TEX26: variants seen among roughly 807,000 people sequenced by gnomAD.
The protein encoded by TEX26 is testis-expressed protein 26.
TEX26 carries 34 observed loss-of-function variants against 35.3 expected under a neutral mutation model. The ratio of observed to expected loss-of-function variants is 0.96; its 90% CI spans 0.73 to 1.28. The LOEUF is 1.28. Among genes scored for constraint, TEX26 ranks in the 50% most tolerant of loss-of-function variants. The pLI is 0.00. For missense variants in TEX26, 371 were observed against 330.1 expected (o/e 1.12, Z -0.96); for synonymous variants, 136 against 111.8 (o/e 1.22, Z -1.36).
At chr13:30,940,451 A>G (rs553117395) in intron 2 of TEX26, among the ~76,000 whole-genome samples, 1 of 144,610 alleles carries the variant, frequency 6.9e-6, no homozygotes, top group Non-Finnish European at 1.5e-5. Context: ...CTCCTGCCTC[A>G]GCCTCCCGAG....
intron 2 of TEX26, among the ~76,000 whole-genome samples, chr13:30,949,547 A>C (rs1383412429): frequency 6.6e-6 from 1 of 152,128 alleles, no homozygotes; most frequent in African/African-American, 2.4e-5. Flanking sequence ...CATATTATAG[A>C]GAAGACTATT....
In TEX26 at chr13:30,934,537, C is replaced by A. The variant is rs1953194712; in HGVS notation, c.61+1761C>A. Among the ~76,000 whole-genome samples, 13 of 152,316 alleles carry A rather than the reference C, an allele frequency of 8.5e-5. No homozygotes were observed. The South Asian group carries it at 2.7e-3, about 32-fold the overall frequency. ...AAGGTCGAGAGCCTGAAATCAAGGT[C>A]TGGACAAGTCTGCACTCCCTCTACA... On this transcript the variant is annotated intron_variant, in intron 1 of 6. Coordinates refer to ENST00000380473, the MANE Select transcript of TEX26 (RefSeq NM_152325.3).
intron 3 of TEX26, among the ~76,000 whole-genome samples, chr13:30,955,380 C>G (rs889624026): frequency 1.3e-5 from 2 of 152,138 alleles, no homozygotes; most frequent in Admixed American, 1.3e-4. Context: ...AATGCATACG[C>G]AATCAACAAA....
Position 30,975,095 on chromosome 13 carries a change from C to T in TEX26, c.*188C>T. 2.2e-6 allele frequency: 1 copy of T among 456,050 alleles called. No homozygotes were observed. Among genetic ancestry groups the T allele is most frequent in the Non-Finnish European group, 3.8e-6 (1 of 261,562 alleles). The allele number at this position is 456,050 out of a possible 1,614,324, so 28.3% of individuals were successfully genotyped here. A position where few individuals can be genotyped will look rare whatever the true frequency, so the allele number is the denominator to read the frequency against. On this transcript the variant is annotated 3_prime_UTR_variant, in exon 7 of 7. Coordinates refer to ENST00000380473, the MANE Select transcript of TEX26 (RefSeq NM_152325.3). ...AATAAAATTAAGGCTACAAAATTTT[C>T]CCTGAACATAGCTTTAGCTGTATCC...
Position 30,940,867 on chromosome 13 carries a change from G to A in TEX26, c.146+1089G>A, listed in dbSNP as rs1334279839. 2.0e-5 allele frequency among the ~76,000 whole-genome samples: 3 copies of A among 151,544 alleles called. No homozygotes were observed. The East Asian group carries it at 5.9e-4, about 30-fold the overall frequency. On this transcript the variant is annotated intron_variant, in intron 2 of 6. Transcript: ENST00000380473. ...GCACGAGAATTGCTTGAACTCCGGA[G>A]GTGGAGGTTGCAGTGAGCCGAGATC... is the stretch of plus-strand genomic sequence containing the variant.
At position 30,970,949 on chromosome 13, in the gene TEX26, C is replaced by A. The variant is rs151327063; in HGVS notation, c.808+1903C>A. ...AGCTAACAAGGTAACTTAGAATAAG[C>A]TAGGGTTTTGTTTCTTCTTAGCTCT... On this transcript the variant is annotated intron_variant, in intron 6 of 6. Transcript: ENST00000380473. 2.2e-4 allele frequency among the ~76,000 whole-genome samples: 33 copies of A among 152,320 alleles called. 1 individual carries two copies. The East Asian group carries it at 6.0e-3, about 28-fold the overall frequency.
chr13:30,971,896 C>G (rs941740632), intron 6 of TEX26, among the ~76,000 whole-genome samples: 29 of 152,202 alleles, frequency 1.9e-4, no homozygotes, highest in African/African-American at 6.0e-4. Context: ...CCCTTCCCAT[C>G]TCTTCCTCCA....
chr13:30,964,076 TTGTCAAAGCTCC>T (rs937607010), intron 4 of TEX26, among the ~76,000 whole-genome samples: 2 of 152,212 alleles, frequency 1.3e-5, no homozygotes, highest in African/African-American at 4.8e-5. Flanking sequence ...TACTGACCCG[TTGTCAAAGCTCC>T]TTACTGTGAC....
intron 2 of TEX26, among the ~76,000 whole-genome samples, chr13:30,943,056 T>C (rs922507359): frequency 2.0e-5 from 3 of 152,170 alleles, no homozygotes; most frequent in African/African-American, 4.8e-5. Flanking sequence ...AAGAATTGCA[T>C]TGACTCTGTA....
chr13:30,943,309 A>T (rs545801827), intron 2 of TEX26, among the ~76,000 whole-genome samples: 6 of 152,202 alleles, frequency 3.9e-5, no homozygotes, highest in African/African-American at 1.4e-4. Context: ...TCATTGTTGT[A>T]TATAGCAGTG....
intron 1 of TEX26, 108 bp from the exon 2 acceptor site, chr13:30,939,586 C>T (rs1953399563): frequency 1.1e-6 from 1 of 942,076 alleles, no homozygotes. Context: ...TAAAGATAAA[C>T]CATCCAAAAT....
At chr13:30,941,344 G>T (rs1366680856) in intron 2 of TEX26, among the ~76,000 whole-genome samples, 1 of 152,222 alleles carries the variant, frequency 6.6e-6, no homozygotes, top group Admixed American at 6.5e-5. Context: ...TGTAATGAAA[G>T]TGCCATCTAT....
chr13:30,951,014 A>C (rs1431502379), intron 2 of TEX26, among the ~76,000 whole-genome samples: 2 of 152,166 alleles, frequency 1.3e-5, no homozygotes, highest in African/African-American at 2.4e-5. Flanking sequence ...TTGAGATCTG[A>C]AAATTGATTC....
Position 30,932,759 on chromosome 13 carries a change from A to G in TEX26, c.44A>G (p.His15Arg). ...GPRAPDPSLCHHNLQPTDDPN... is the reference protein window; with the variant it reads ...GPRAPDPSLCRHNLQPTDDPN... ...AGGGCTCCGGATCCCTCTCTCTGCC[A>G]CCACAACCTCCAGCCAAGTAAGACA... Residue 15 changes from histidine to arginine, a missense_variant, in exon 1 of 7, where the codon CAC (histidine) becomes CGC (arginine). Transcript: ENST00000380473. 6.2e-7 allele frequency: 1 copy of G among 1,613,938 alleles called. No individual in the cohort carries two copies. Among genetic ancestry groups the G allele is most frequent in the Non-Finnish European group, 8.5e-7 (1 of 1,179,996 alleles).
intron 1 of TEX26, among the ~76,000 whole-genome samples, chr13:30,937,444 T>G (rs568284693): frequency 2.6e-5 from 4 of 152,320 alleles, no homozygotes; most frequent in Non-Finnish European, 5.9e-5. Flanking sequence ...GTGTGGCTTT[T>G]GTGCAGAATA....
intron 3 of TEX26, among the ~76,000 whole-genome samples, chr13:30,956,177 C>T (rs1390850984): frequency 1.6e-5 from 2 of 126,708 alleles, no homozygotes; most frequent in Non-Finnish European, 3.3e-5. Flanking sequence ...CCCCCCACCC[C>T]ACAACAGGCC....
Position 30,952,728 on chromosome 13 carries a change from A to G in TEX26, c.215A>G (p.Tyr72Cys). Residue 72 changes from tyrosine (Y) to cysteine (C), a missense_variant, in exon 3 of 7, where the codon TAT (tyrosine) becomes TGT (cysteine). Tyr to Cys is a radical substitution (Grantham distance 194, BLOSUM62 -2). Coordinates refer to ENST00000380473, the MANE Select transcript of TEX26 (RefSeq NM_152325.3). ...GATCCTATTCTCAATCAGACACAATATAGTGATGAGTACACTTGGAAATCA... is the reference window on the plus strand; with the variant it reads ...GATCCTATTCTCAATCAGACACAATGTAGTGATGAGTACACTTGGAAATCA... ...LSDPILNQTQ[Y>C]SDEYTWKSHS... The G allele has an allele frequency of 6.2e-7, 1 of 1,613,000 alleles. No individual in the cohort carries two copies. Among genetic ancestry groups the G allele is most frequent in the Non-Finnish European group, 8.5e-7 (1 of 1,179,340 alleles).
chr13:30,969,761 A>G (rs565376343), intron 6 of TEX26, among the ~76,000 whole-genome samples: 14 of 152,326 alleles, frequency 9.2e-5, no homozygotes, highest in Non-Finnish European at 2.9e-5. Context: ...GTAAAAATTT[A>G]TATAAAATAT....
At chr13:30,935,048 C>T (rs1252533166) in intron 1 of TEX26, among the ~76,000 whole-genome samples, 2 of 146,680 alleles carry the variant, frequency 1.4e-5, no homozygotes, top group African/African-American at 5.2e-5. Context: ...GCAGCCTGCA[C>T]CCTTGGACTC....
Sources: gnomAD v4.1 joint callset for allele counts (sites outside exome capture counted in the v4.1 genomes callset) on GRCh38, gnomAD v4.1.1 for gene constraint, MANE v1.5 for transcripts, NCBI Gene and HGNC (gene_info 2026-07-23, HGNC 2026-07-21) for gene names.